Variants in CPQ observed in about 807,000 individuals in gnomAD.
CPQ encodes Ser-Met dipeptidase.
A neutral mutation model predicts 45.7 loss-of-function variants in CPQ; 37 were observed. The ratio of observed to expected loss-of-function variants is 0.81; its 90% CI spans 0.62 to 1.07. The LOEUF (loss-of-function observed/expected upper bound fraction) is 1.07, where lower values mean the gene tolerates loss of function less well. Ranked by LOEUF, CPQ falls within the 50% of genes least tolerant of loss-of-function variation. The pLI, the probability that CPQ is intolerant of heterozygous loss-of-function variation, is 0.00. For missense variants in CPQ, 537 were observed against 572.9 expected (o/e 0.94, Z 0.64); for synonymous variants, 186 against 205.8 (o/e 0.90, Z 0.82).
At chr8:96,798,136 C>CAT (rs373868405) in intron 2 of CPQ, among the ~76,000 whole-genome samples, 13 of 150,632 alleles carry the variant, frequency 8.6e-5, no homozygotes, top group Admixed American at 2.0e-4. Flanking sequence ...TTTCCTAGGC[C>CAT]ATATATATAT....
rs1156706371 is a variant in CPQ at position 96,854,530 on chromosome 8, C to CAAAAAAAA, written c.641+19372_641+19379dup. The stretch of plus-strand genomic sequence containing the variant: ...TGGGCGACAGAGCGAGACTCCGTCT[C>CAAAAAAAA]AAAAAAAAAAAAAAAAAAAAAAAAA... On this transcript the variant is annotated intron_variant, in intron 3 of 7. Coordinates refer to ENST00000220763, the MANE Select transcript of CPQ (RefSeq NM_016134.4). 2.6e-3 allele frequency among the ~76,000 whole-genome samples: 23 copies of CAAAAAAAA among 8,696 alleles called. 6 individuals carry two copies. The highest frequency in any genetic ancestry group is 4.6e-3 in the Admixed American group (2 of 438). The allele number at this position is 8,696 out of a possible 152,430, so 5.7% of individuals were successfully genotyped here. A position where few individuals can be genotyped will look rare whatever the true frequency, so the allele number is the denominator to read the frequency against.
At chr8:96,881,225 G>T (rs1812219394) in intron 4 of CPQ, among the ~76,000 whole-genome samples, 2 of 152,146 alleles carry the variant, frequency 1.3e-5, no homozygotes, top group African/African-American at 2.4e-5. Flanking sequence ...AAGAAAAGAG[G>T]TTTAATTGGT....
At chr8:96,838,767 A>G (rs1416851811) in intron 3 of CPQ, among the ~76,000 whole-genome samples, 1 of 152,094 alleles carries the variant, frequency 6.6e-6, no homozygotes, top group Non-Finnish European at 1.5e-5. Context: ...ATGTAGAGTA[A>G]ATCATGGCAG....
intron 1 of CPQ, among the ~76,000 whole-genome samples, chr8:96,741,669 G>A (rs577470638): frequency 2.0e-5 from 3 of 152,132 alleles, no homozygotes; most frequent in East Asian, 3.9e-4. Context: ...ATTCTGGTAT[G>A]TTGTGTCTTT....
intron 1 of CPQ, among the ~76,000 whole-genome samples, chr8:96,707,757 A>T (rs147359454): frequency 6.6e-6 from 1 of 152,128 alleles, no homozygotes; most frequent in Non-Finnish European, 1.5e-5. Context: ...CAGAAGTCCA[A>T]AATGGGTTTT....
chr8:96,814,916 A>G (rs1586411337), intron 2 of CPQ, among the ~76,000 whole-genome samples: 1 of 152,302 alleles, frequency 6.6e-6, no homozygotes, highest in East Asian at 1.9e-4. Context: ...ACCACATTTT[A>G]TATGATTCCA....
rs149281897 is a variant in CPQ at position 96,744,349 on chromosome 8, C to T, written c.-34-40515C>T. 5.4e-3 allele frequency among the ~76,000 whole-genome samples: 826 copies of T among 152,104 alleles called. 13 individuals carry two copies. Among genetic ancestry groups the T allele is most frequent in the Admixed American group, 0.014 (207 of 15,274 alleles). On this transcript the variant is annotated intron_variant, in intron 1 of 7. Coordinates refer to ENST00000220763, the MANE Select transcript of CPQ (RefSeq NM_016134.4). Reference sequence around the variant, plus strand: ...CCTGCTTCTGCTCTCGCACAGTGCGCGCACCCACTGACCTGTGCCCACTGT... The same window carrying T: ...CCTGCTTCTGCTCTCGCACAGTGCGTGCACCCACTGACCTGTGCCCACTGT...
At chr8:96,957,019 G>GA (rs1813369180) in intron 4 of CPQ, among the ~76,000 whole-genome samples, 1 of 152,190 alleles carries the variant, frequency 6.6e-6, no homozygotes, top group African/African-American at 2.4e-5. Flanking sequence ...TAAGATCATT[G>GA]AAAATCAGGT....
intron 7 of CPQ, among the ~76,000 whole-genome samples, chr8:97,123,221 TA>T (rs1437386274): frequency 9.2e-6 from 1 of 108,216 alleles, no homozygotes; most frequent in Admixed American, 8.6e-5. Flanking sequence ...TAAAATAAAA[TA>T]AAATAAAATA....
At chr8:96,918,820 G>T (rs1812766835) in intron 4 of CPQ, among the ~76,000 whole-genome samples, 1 of 152,082 alleles carries the variant, frequency 6.6e-6, no homozygotes, top group Admixed American at 6.6e-5. Context: ...AAGGATGTGG[G>T]TTTCAGTTGC....
chr8:96,784,401 G>C (rs987743671), intron 1 of CPQ, among the ~76,000 whole-genome samples: 2 of 146,306 alleles, frequency 1.4e-5, no homozygotes, highest in Non-Finnish European at 3.0e-5. Flanking sequence ...TTCTGAGGTG[G>C]GGGGGGGGTT....
At chr8:97,007,731 C>A (rs1198813647) in intron 5 of CPQ, among the ~76,000 whole-genome samples, 1 of 152,048 alleles carries the variant, frequency 6.6e-6, no homozygotes, top group Non-Finnish European at 1.5e-5. Flanking sequence ...TTATTCTGGG[C>A]AATAGCATGC....
chr8:97,055,733 C>A (rs892989267), intron 6 of CPQ: 4 of 152,170 alleles, frequency 2.6e-5, no homozygotes, highest in African/African-American at 9.7e-5. Context: ...CCAGAAGAAA[C>A]CAACTCTACC....
At chr8:96,910,990 A>C (rs1189210792) in intron 4 of CPQ, among the ~76,000 whole-genome samples, 1 of 151,886 alleles carries the variant, frequency 6.6e-6, no homozygotes, top group African/African-American at 2.4e-5. Context: ...GTAGGAGAGG[A>C]CTGAAAGATG....
At chr8:97,107,896 A>T (rs1811429756) in intron 7 of CPQ, among the ~76,000 whole-genome samples, 1 of 152,216 alleles carries the variant, frequency 6.6e-6, no homozygotes, top group Non-Finnish European at 1.5e-5. Flanking sequence ...AGTAGGCAAA[A>T]GGGAAGAGGC....
rs1810421640 is a variant in CPQ at position 97,054,623 on chromosome 8, C to T, written c.1054-11386C>T. 2.6e-5 allele frequency among the ~76,000 whole-genome samples: 4 copies of T among 152,160 alleles called. No homozygotes were observed. In the South Asian group the frequency reaches 8.3e-4, roughly 31 times the overall value. ...AGTGAAATAATATCTTCTGCAGCAACTTGGATGGAACTGGAGGCCATTATT... is the reference window on the plus strand; with the variant it reads ...AGTGAAATAATATCTTCTGCAGCAATTTGGATGGAACTGGAGGCCATTATT... On this transcript the variant is annotated intron_variant, in intron 6 of 7. Coordinates refer to ENST00000220763, the MANE Select transcript of CPQ (RefSeq NM_016134.4).
chr8:96,741,028 G>A (rs62507285), intron 1 of CPQ, among the ~76,000 whole-genome samples: 251 of 135,804 alleles, frequency 1.8e-3, no homozygotes, highest in South Asian at 3.6e-3. Context: ...TCTATTGATT[G>A]GAATAGTTTC....
chr8:96,974,271 GAAGA>G (rs2130377198), intron 5 of CPQ, among the ~76,000 whole-genome samples: 1 of 152,214 alleles, frequency 6.6e-6, no homozygotes, highest in East Asian at 1.9e-4. Context: ...TTAAAAAGAT[GAAGA>G]GAGACATTAT....
intron 6 of CPQ, among the ~76,000 whole-genome samples, chr8:97,059,213 A>G (rs777819155): frequency 2.0e-5 from 3 of 152,184 alleles, no homozygotes; most frequent in Non-Finnish European, 4.4e-5. Context: ...GCACACACAC[A>G]GAATGATAGG....
Sources: gnomAD v4.1 joint callset for allele counts (sites outside exome capture counted in the v4.1 genomes callset) on GRCh38, gnomAD v4.1.1 for gene constraint, MANE v1.5 for transcripts, NCBI Gene and HGNC (gene_info 2026-07-23, HGNC 2026-07-21) for gene names.